LUC7L3: variants seen among roughly 807,000 people sequenced by gnomAD.
LUC7L3 encodes LUC7 like 3 pre-mRNA splicing factor, also known as luc7-like protein 3.
LUC7L3 carries 6 observed loss-of-function variants against 66.8 expected under a neutral mutation model. The ratio of observed to expected loss-of-function variants is 0.09; its 90% CI spans 0.05 to 0.18. The LOEUF (loss-of-function observed/expected upper bound fraction) is 0.18, where lower values mean the gene tolerates loss of function less well. Among genes scored for constraint, LUC7L3 ranks in the 10% least tolerant of loss-of-function variants. The pLI is 1.00. For missense variants in LUC7L3, 341 were observed against 531.1 expected, an observed-to-expected ratio of 0.64 and a Z score of 3.52; for synonymous variants, 160 against 174.7, an observed-to-expected ratio of 0.92 and a Z score of 0.66.
rs1971095077 is a variant in LUC7L3, at chr17:50,755,641, A to G, written c.*4980A>G. The G allele has an allele frequency of 6.6e-6, 1 of 152,248 alleles. No homozygotes were observed. The highest frequency in any genetic ancestry group is 1.5e-5 in the Non-Finnish European group (1 of 68,042). The allele number at this position is 152,248 out of a possible 1,614,324, so 9.4% of individuals were successfully genotyped here. On this transcript the variant is annotated 3_prime_UTR_variant, in exon 10 of 10. Coordinates refer to ENST00000505658, the MANE Select transcript of LUC7L3 (RefSeq NM_016424.5). ...GATTTAAGAATGTTTAGAAACAACA[A>G]CTTTGGGAAACGGGAAACAATTTGG...
chr17:50,725,910 A>G (rs1040800504), intron 1 of LUC7L3, among the ~76,000 whole-genome samples: 2 of 152,194 alleles, frequency 1.3e-5, no homozygotes, highest in African/African-American at 2.4e-5. Context: ...GAGAAAGTAA[A>G]GCTTGAGTAA....
intron 9 of LUC7L3, among the ~76,000 whole-genome samples, chr17:50,747,918 ATTTAACAT>A (rs564644461): frequency 2.9e-4 from 44 of 152,340 alleles, no homozygotes; most frequent in African/African-American, 1.0e-3. Context: ...GGGTTAACTG[ATTTAACAT>A]TAGATTTAAG....
intron 9 of LUC7L3, among the ~76,000 whole-genome samples, chr17:50,750,040 A>G (rs1970906115): frequency 6.6e-6 from 1 of 152,202 alleles, no homozygotes; most frequent in Admixed American, 6.5e-5. Flanking sequence ...AATGTTTTGC[A>G]TTGAAAAATA....
At chr17:50,722,155 C>T (rs7211326) in intron 1 of LUC7L3, 43,212 of 146,514 alleles carry the variant, frequency 0.29, 6,480 homozygotes, top group Middle Eastern at 0.35. Context: ...GGAAGGGTCC[C>T]AGTATCTGCA....
At chr17:50,745,333 A>G (rs923723425) in intron 7 of LUC7L3, among the ~76,000 whole-genome samples, 2 of 152,314 alleles carry the variant, frequency 1.3e-5, no homozygotes, top group African/African-American at 4.8e-5. Flanking sequence ...TATTTTAGCT[A>G]TAGCTACAGC....
intron 1 of LUC7L3, among the ~76,000 whole-genome samples, chr17:50,727,263 T>C (rs1489077555): frequency 6.6e-6 from 1 of 152,148 alleles, no homozygotes. Context: ...GGTTGGATAA[T>C]TATAAAGAAA....
chr17:50,723,123 G>A (rs556401780), intron 1 of LUC7L3: 16 of 152,312 alleles, frequency 1.1e-4, no homozygotes, highest in African/African-American at 3.4e-4. Flanking sequence ...TGTAAAGTCT[G>A]ATCGGGAGTT....
intron 5 of LUC7L3, 22 bp downstream of exon 5, chr17:50,741,753 G>A (rs752969369): frequency 1.9e-6 from 3 of 1,575,870 alleles, no homozygotes; most frequent in East Asian, 4.5e-5. Context: ...GTGCATTAAT[G>A]TCAGGAAGTA....
rs1971016541 is a variant in LUC7L3 at position 50,752,373 on chromosome 17, G to C, written c.*1712G>C. 2.3e-6 allele frequency: 1 copy of C among 435,504 alleles called. No homozygotes were observed. The highest frequency in any genetic ancestry group is 3.6e-6 in the Non-Finnish European group (1 of 277,550). 27.0% of individuals were successfully genotyped at this position (435,504 alleles called of 1,614,324 possible). A position where few individuals can be genotyped will look rare whatever the true frequency, so the allele number is the denominator to read the frequency against. On this transcript the variant is annotated 3_prime_UTR_variant, in exon 10 of 10. Transcript: ENST00000505658. ...AATTCAGGACTGATGTGACCTACCAGATTTCAGAACATGTGTTAATAGTAT... is the reference window on the plus strand; with the variant it reads ...AATTCAGGACTGATGTGACCTACCACATTTCAGAACATGTGTTAATAGTAT...
intron 1 of LUC7L3, among the ~76,000 whole-genome samples, chr17:50,725,109 C>T (rs1473653786): frequency 1.3e-5 from 2 of 152,066 alleles, no homozygotes; most frequent in African/African-American, 2.4e-5. Context: ...TTCATTTATC[C>T]AACAAAAATG....
chr17:50,746,712 T>C lies in LUC7L3; in HGVS notation c.1138+10T>C, dbSNP rs1368158778. 1 of 1,609,584 alleles carries C rather than the reference T, an allele frequency of 6.2e-7. No homozygotes were observed. Among genetic ancestry groups the C allele is most frequent in the South Asian group, 1.1e-5 (1 of 90,132 alleles). On this transcript the variant is annotated intron_variant, in intron 9 of 9. Coordinates refer to ENST00000505658, the MANE Select transcript of LUC7L3 (RefSeq NM_016424.5). The stretch of plus-strand genomic sequence containing the variant: ...AAATCCAAGGAGAAAGGTTAGTTTA[T>C]ATGAGAATTCAGTTCATTAAGAAAC...
rs762346862 is a variant in LUC7L3, at chr17:50,752,255, G to C, written c.*1594G>C. The C allele has an allele frequency of 7.8e-7, 1 of 1,275,228 alleles. No individual in the cohort carries two copies. Among genetic ancestry groups the C allele is most frequent in the Non-Finnish European group, 1.0e-6 (1 of 980,782 alleles). The allele number at this position is 1,275,228 out of a possible 1,614,324, so 79.0% of individuals were successfully genotyped here. The stretch of plus-strand genomic sequence containing the variant: ...CTGAGAACGGCATAAAGTGAAGATC[G>C]ACATTTAAAAAATGAGGTGAAAGAA... On this transcript the variant is annotated 3_prime_UTR_variant, in exon 10 of 10. Coordinates refer to ENST00000505658, the MANE Select transcript of LUC7L3 (RefSeq NM_016424.5).
chr17:50,748,295 AATG>A (rs1970800618), intron 9 of LUC7L3: 1 of 152,128 alleles, frequency 6.6e-6, no homozygotes, highest in Non-Finnish European at 1.5e-5. Context: ...CTAAAATTGT[AATG>A]ATGATGACAT....
chr17:50,730,513 CAAAAAAAAAA>C (rs3063109), intron 1 of LUC7L3, among the ~76,000 whole-genome samples: 12 of 59,086 alleles, frequency 2.0e-4, no homozygotes, highest in African/African-American at 4.5e-4. Context: ...ACTCTGTCTC[CAAAAAAAAAA>C]AAAAAAAAAA....
intron 1 of LUC7L3, among the ~76,000 whole-genome samples, chr17:50,733,506 A>G (rs1001285620): frequency 2.7e-5 from 4 of 146,930 alleles, no homozygotes; most frequent in African/African-American, 7.6e-5. Context: ...TGTTCACGCC[A>G]TTCTCCTGCC....
In LUC7L3 at chr17:50,719,693, G is replaced by A; in HGVS notation, c.-40G>A. 1 of 1,545,170 alleles carries A rather than the reference G, an allele frequency of 6.5e-7. No individual in the cohort carries two copies. The highest frequency in any genetic ancestry group is 1.1e-5 in the South Asian group (1 of 87,082). On this transcript the variant is annotated 5_prime_UTR_variant, in exon 1 of 10. In the 5' UTR this introduces an upstream ATG that the reference lacks. Coordinates refer to ENST00000505658, the MANE Select transcript of LUC7L3 (RefSeq NM_016424.5). ...GTGTCGCCCGTGTTTTCGTTGGCGG[G>A]TGCCTGGGCTGGTGGGAACAGCCGC...
At chr17:50,744,373 G>A (rs1170117970) in intron 6 of LUC7L3, among the ~76,000 whole-genome samples, 1 of 152,132 alleles carries the variant, frequency 6.6e-6, no homozygotes, top group Non-Finnish European at 1.5e-5. Context: ...TAAAATAGGT[G>A]GCTTTCTGAA....
intron 1 of LUC7L3, among the ~76,000 whole-genome samples, chr17:50,720,516 TGAG>T (rs1968674185): frequency 6.6e-6 from 1 of 152,222 alleles, no homozygotes; most frequent in Admixed American, 6.5e-5. Flanking sequence ...TCTTGGCAAC[TGAG>T]GAAACTAATC....
rs772002499 is a variant in LUC7L3 at position 50,723,843 on chromosome 17, C to T, written c.99+4012C>T. ...GTCGACAGGGTTTTGCCATATTGGCCAGGCTGGTCTTGAACTCCTGACCTC... is the reference window on the plus strand; with the variant it reads ...GTCGACAGGGTTTTGCCATATTGGCTAGGCTGGTCTTGAACTCCTGACCTC... On this transcript the variant is annotated intron_variant, in intron 1 of 9. Coordinates refer to ENST00000505658, the MANE Select transcript of LUC7L3 (RefSeq NM_016424.5). 5.1e-5 allele frequency: 19 copies of T among 370,630 alleles called. 1 individual carries two copies. The highest frequency in any genetic ancestry group is 1.3e-3 in the Middle Eastern group (2 of 1,572). The allele number at this position is 370,630 out of a possible 1,614,324, so 23.0% of individuals were successfully genotyped here. A position where few individuals can be genotyped will look rare whatever the true frequency, so the allele number is the denominator to read the frequency against.
Sources: gnomAD v4.1 joint callset for allele counts (sites outside exome capture counted in the v4.1 genomes callset) on GRCh38, gnomAD v4.1.1 for gene constraint, MANE v1.5 for transcripts, NCBI Gene and HGNC (gene_info 2026-07-23, HGNC 2026-07-21) for gene names.